The following ADGRB3 variants were observed in gnomAD, a reference collection of about 807,000 sequenced individuals.
The protein encoded by ADGRB3 is adhesion G protein-coupled receptor B3.
In ADGRB3, 37 loss-of-function variants were observed where a neutral mutation model predicts 193.4. The ratio of observed to expected loss-of-function variants is 0.19; its 90% CI spans 0.15 to 0.25. The LOEUF (loss-of-function observed/expected upper bound fraction) is 0.25, where lower values mean the gene tolerates loss of function less well. Among genes scored for constraint, ADGRB3 ranks in the 10% least tolerant of loss-of-function variants. The pLI, the probability that ADGRB3 is intolerant of heterozygous loss-of-function variation, is 1.00. For synonymous variants in ADGRB3, 690 were observed against 644.2 expected, an observed-to-expected ratio of 1.07 and a Z score of -1.08; for missense variants, 1,637 against 1,852.9, an observed-to-expected ratio of 0.88 and a Z score of 2.14.
At chr6:68,901,610 C>G (rs893296922) in intron 3 of ADGRB3, among the ~76,000 whole-genome samples, 9 of 152,094 alleles carry the variant, frequency 5.9e-5, no homozygotes, top group African/African-American at 2.2e-4. Flanking sequence ...TTTCTTTTGT[C>G]ATTATCTATA....
rs773371993 is a variant in ADGRB3, at chr6:68,944,010, A to T, written c.1195+16A>T. 2 of 1,583,466 alleles carry T rather than the reference A, an allele frequency of 1.3e-6. No individual in the cohort carries two copies. Among genetic ancestry groups the T allele is most frequent in the African/African-American group, 2.7e-5 (2 of 74,632 alleles). On this transcript the variant is annotated intron_variant, in intron 6 of 31. Coordinates refer to ENST00000370598, the MANE Select transcript of ADGRB3 (RefSeq NM_001704.3). Reference sequence around the variant, plus strand: ...CTTTGCCCAGGTGAGCCTATTCTGCATTTGGTTATGTTTGCATTATGTGCT... The same window carrying T: ...CTTTGCCCAGGTGAGCCTATTCTGCTTTTGGTTATGTTTGCATTATGTGCT...
At chr6:69,124,545 G>A (rs982309562) in intron 17 of ADGRB3, among the ~76,000 whole-genome samples, 2 of 152,076 alleles carry the variant, frequency 1.3e-5, no homozygotes, top group Admixed American at 6.6e-5. Flanking sequence ...GTGTTGTCGG[G>A]TTTACATACT....
intron 3 of ADGRB3, among the ~76,000 whole-genome samples, chr6:68,744,082 T>C (rs1455250559): frequency 6.6e-6 from 1 of 152,094 alleles, no homozygotes; most frequent in Non-Finnish European, 1.5e-5. Context: ...ATGAGTGAAA[T>C]TTGACAAGTA....
At chr6:69,348,794 T>A (rs1323989974) in intron 26 of ADGRB3, among the ~76,000 whole-genome samples, 2 of 152,256 alleles carry the variant, frequency 1.3e-5, no homozygotes, top group African/African-American at 4.8e-5. Context: ...GTTCAATATG[T>A]CTTAAATAAA....
At chr6:68,730,002 G>A (rs1298766168) in intron 3 of ADGRB3, among the ~76,000 whole-genome samples, 1 of 151,160 alleles carries the variant, frequency 6.6e-6, no homozygotes, top group East Asian at 2.0e-4. Flanking sequence ...ATAGTGTTTT[G>A]GAAATAAGGC....
intron 3 of ADGRB3, among the ~76,000 whole-genome samples, chr6:68,736,073 A>T (rs1765865155): frequency 6.6e-6 from 1 of 151,996 alleles, no homozygotes; most frequent in Admixed American, 6.6e-5. Context: ...ATGCAGTGGT[A>T]TGATCATGGC....
chr6:69,228,329 G>A (rs567930693), intron 17 of ADGRB3, among the ~76,000 whole-genome samples: 6 of 152,258 alleles, frequency 3.9e-5, no homozygotes. Flanking sequence ...AACAGTGTCA[G>A]GGATTCAAAG....
At chr6:69,032,385 A>G (rs1178442077) in intron 13 of ADGRB3, among the ~76,000 whole-genome samples, 1 of 152,206 alleles carries the variant, frequency 6.6e-6, no homozygotes, top group African/African-American at 2.4e-5. Flanking sequence ...TTATCACGCT[A>G]TATGCCTTCT....
intron 10 of ADGRB3, among the ~76,000 whole-genome samples, chr6:68,983,604 C>T (rs1768987552): frequency 6.6e-6 from 1 of 151,752 alleles, no homozygotes; most frequent in Admixed American, 6.6e-5. Context: ...TGTATCCATT[C>T]ATCTACCCAT....
intron 3 of ADGRB3, among the ~76,000 whole-genome samples, chr6:68,649,076 A>G (rs1768285608): frequency 6.6e-6 from 1 of 152,136 alleles, no homozygotes; most frequent in Non-Finnish European, 1.5e-5. Context: ...GAATACTCTA[A>G]AAATCATGGT....
At chr6:69,039,847 T>C (rs1240814005) in intron 13 of ADGRB3, among the ~76,000 whole-genome samples, 1 of 150,064 alleles carries the variant, frequency 6.7e-6, no homozygotes, top group Non-Finnish European at 1.5e-5. Context: ...GTTTACACCA[T>C]TCTCCTGCCT....
chr6:68,752,537 T>C (rs1766220124), intron 3 of ADGRB3, among the ~76,000 whole-genome samples: 1 of 152,124 alleles, frequency 6.6e-6, no homozygotes, highest in East Asian at 1.9e-4. Context: ...CCTCCCAAAG[T>C]GCTGGGATTA....
chr6:69,103,597 G>A (rs2150322657), intron 17 of ADGRB3, among the ~76,000 whole-genome samples: 1 of 151,946 alleles, frequency 6.6e-6, no homozygotes, highest in Non-Finnish European at 1.5e-5. Context: ...CTATCTTAAA[G>A]TGGCTTCAAG....
intron 18 of ADGRB3, 109 bp from the exon 19 acceptor site, chr6:69,234,923 A>G (rs1766227287): frequency 1.3e-6 from 1 of 784,010 alleles, no homozygotes. Context: ...GGTAACTATA[A>G]CAACTATATA....
intron 6 of ADGRB3, among the ~76,000 whole-genome samples, chr6:68,947,170 G>A (rs575310748): frequency 9.2e-5 from 14 of 152,088 alleles, no homozygotes; most frequent in African/African-American, 3.4e-4. Flanking sequence ...TAAACATAAC[G>A]TGGTCTATTC....
At chr6:68,682,150 C>G (rs866748385) in intron 3 of ADGRB3, among the ~76,000 whole-genome samples, 1 of 152,144 alleles carries the variant, frequency 6.6e-6, no homozygotes, top group Non-Finnish European at 1.5e-5. Flanking sequence ...TTTCCAAAAC[C>G]CACTGTGGGT....
At chr6:68,896,484 GC>G (rs547787138) in intron 3 of ADGRB3, among the ~76,000 whole-genome samples, 258 of 152,208 alleles carry the variant, frequency 1.7e-3, no homozygotes, top group African/African-American at 6.0e-3. Flanking sequence ...ATTAGAAAAT[GC>G]CGAGAATTTT....
chr6:68,910,153 C>A (rs1766659669), intron 3 of ADGRB3, among the ~76,000 whole-genome samples: 1 of 152,112 alleles, frequency 6.6e-6, no homozygotes, highest in Admixed American at 6.6e-5. Context: ...TCTCTGATGG[C>A]CAGTGATGAT....
chr6:68,993,192 T>C (rs1379467510), intron 10 of ADGRB3, among the ~76,000 whole-genome samples: 1 of 71,818 alleles, frequency 1.4e-5, no homozygotes, highest in African/African-American at 4.9e-5. Context: ...GTTTTTGCTG[T>C]TTTTTTTTAA....
Sources: allele counts gnomAD v4.1 joint callset (sites outside exome capture counted in the v4.1 genomes callset), GRCh38; gene constraint gnomAD v4.1.1; transcripts MANE v1.5; gene names NCBI Gene and HGNC (gene_info 2026-07-23, HGNC 2026-07-21).